Variants in NSMF observed in about 807,000 individuals in gnomAD.
NSMF encodes the protein NMDA receptor synaptonuclear signaling and neuronal migration factor.
In NSMF, 31 loss-of-function variants were observed where a neutral mutation model predicts 71.0. That is an observed-to-expected ratio of 0.44 (90% CI 0.33 to 0.59). The LOEUF (loss-of-function observed/expected upper bound fraction) is 0.59, where lower values mean the gene tolerates loss of function less well. Among genes scored for constraint, NSMF ranks in the 20% least tolerant of loss-of-function variants. The probability of loss-of-function intolerance (pLI) is 0.04; values close to 1 mark genes in which losing one functional copy is unlikely to be tolerated. For missense variants in NSMF, 673 were observed against 740.5 expected (o/e 0.91, Z 1.06); for synonymous variants, 345 against 287.1 (o/e 1.20, Z -2.04).
Position 137,447,715 on chromosome 9 carries a change from G to A in NSMF, c.*1679C>T, listed in dbSNP as rs1026353221. On this transcript the variant is annotated 3_prime_UTR_variant, in exon 16 of 16. Coordinates refer to ENST00000371475, the MANE Select transcript of NSMF (RefSeq NM_001130969.3). ...AGCACACTGGGCCTCAAGCCTGCCAGGCTGTGCCAGGCTGCGCACCAGTGG... is the reference window on the plus strand; with the variant it reads ...AGCACACTGGGCCTCAAGCCTGCCAAGCTGTGCCAGGCTGCGCACCAGTGG... The A allele has an allele frequency of 4.0e-5, 6 of 151,390 alleles. No homozygotes were observed. Among genetic ancestry groups the A allele is most frequent in the African/African-American group, 1.5e-4 (6 of 41,078 alleles). The allele number at this position is 151,390 out of a possible 1,614,324, so 9.4% of individuals were successfully genotyped here.
chr9:137,455,413 G>T (rs911390396), intron 5 of NSMF, 106 bp from the exon 6 acceptor site: 9 of 1,338,086 alleles, frequency 6.7e-6, no homozygotes, highest in African/African-American at 2.9e-5. Flanking sequence ...TCTGGGGCAC[G>T]GGGCCCGGCA....
Position 137,449,950 on chromosome 9 carries a change from G to A in NSMF, c.1392C>T (p.Tyr464=). The change falls in exon 14 of 16, where the codon TAC becomes TAT. Residue 464 remains tyrosine (Y), a synonymous_variant. Transcript: ENST00000371475. ...EPNVIHIMGC[Y]ILGNPNGEKL... ...TCTCTCCATTGGGGTTCCCCAGAAT[G>A]TAGCAGCCCATGATGTGGATGACGT... 2 of 1,613,212 alleles carry A rather than the reference G, an allele frequency of 1.2e-6. No homozygotes were observed. Among genetic ancestry groups the A allele is most frequent in the Non-Finnish European group, 8.5e-7 (1 of 1,179,896 alleles).
chr9:137,449,837 A>G lies in NSMF; in HGVS notation c.1419+86T>C. On this transcript the variant is annotated intron_variant, in intron 14 of 15. Transcript: ENST00000371475. ...GGAATGCCCGGGGGAAGGAAAAAAA[A>G]TGCCAGGAAACATGGAAGGCTCTGC... 3 of 1,386,516 alleles carry G rather than the reference A, an allele frequency of 2.2e-6. No homozygotes were observed. In the East Asian group the frequency reaches 6.9e-5, roughly 32 times the overall value. 85.9% of individuals were successfully genotyped at this position (1,386,516 alleles called of 1,614,324 possible).
rs1477685228 is a variant in NSMF at position 137,453,803 on chromosome 9, C to A, written c.850G>T (p.Glu284Ter). 2.5e-6 allele frequency: 4 copies of A among 1,595,338 alleles called. No individual in the cohort carries two copies. The highest frequency in any genetic ancestry group is 3.4e-6 in the Non-Finnish European group (4 of 1,176,946). The change falls in exon 8 of 16, where the codon GAG becomes TAG. Residue 284 changes from glutamate (E) to a stop codon, truncating the protein, a stop_gained. Transcript: ENST00000371475. LOFTEE classifies it high-confidence loss of function. The surrounding 1 kb of genome is among the most constrained non-coding windows in gnomAD (Gnocchi z 4.5). ...CTCCAGGACCGGCTGAAGCTCCGCT[C>A]GCGCCGCTCAGCGAACGCTGCAGAG... ...VKAQTFAERR[E>*]RSFSRSWSDP...
chr9:137,458,006 TGG>T (rs998121326), intron 2 of NSMF, 105 bp from the exon 3 acceptor site: 34 of 1,492,672 alleles, frequency 2.3e-5, no homozygotes, highest in African/African-American at 2.8e-5. Flanking sequence ...CTGGCCTCTG[TGG>T]GGGACTAGGG....
chr9:137,448,821 G>C lies in NSMF; in HGVS notation c.*573C>G, dbSNP rs1285404375. ...GACAGTCGGAGACTCGGCCAGTGTA[G>C]ACAGACCCAGAGACTCGGCCAGTGT... On this transcript the variant is annotated 3_prime_UTR_variant, in exon 16 of 16. Coordinates refer to ENST00000371475, the MANE Select transcript of NSMF (RefSeq NM_001130969.3). The surrounding 1 kb of genome is among the most constrained non-coding windows in gnomAD (Gnocchi z 5.3). The C allele has an allele frequency of 5.2e-6, 1 of 191,676 alleles. No individual in the cohort carries two copies. Among genetic ancestry groups the C allele is most frequent in the East Asian group, 1.3e-4 (1 of 7,422 alleles). 11.9% of individuals were successfully genotyped at this position (191,676 alleles called of 1,614,324 possible).
At chr9:137,455,784 T>C in intron 4 of NSMF, 150 bp from the exon 5 acceptor site, 2 of 847,866 alleles carry the variant, frequency 2.4e-6, no homozygotes, top group Admixed American at 2.1e-5. Context: ...ACCAGCAGGA[T>C]GCTGGCTACA....
rs554109860 is a variant in NSMF, at chr9:137,452,668, G to A, written c.1131+68C>T. 293 of 1,602,626 alleles carry A rather than the reference G, an allele frequency of 1.8e-4. No individual in the cohort carries two copies. The African/African-American group carries it at 3.2e-3, about 17-fold the overall frequency. On this transcript the variant is annotated intron_variant, in intron 10 of 15. Coordinates refer to ENST00000371475, the MANE Select transcript of NSMF (RefSeq NM_001130969.3). ...CCACAGCACCCTGGGGACCTGGGGT[G>A]CCGGCGCTGGCCCAGGGTGGGGCCG... is the stretch of plus-strand genomic sequence containing the variant.
At position 137,455,524 on chromosome 9, in the gene NSMF, CCCT is replaced by C. The variant is rs1262675303; in HGVS notation, c.710+102_710+104del. 4 of 1,354,242 alleles carry C rather than the reference CCCT, an allele frequency of 3.0e-6. No homozygotes were observed. The African/African-American group carries it at 5.8e-5, about 20-fold the overall frequency. 83.9% of individuals were successfully genotyped at this position (1,354,242 alleles called of 1,614,324 possible). The stretch of plus-strand genomic sequence containing the variant: ...AGCCAGGCCCGCAGAGAGCGGCACT[CCCT>C]CAAGACCCAGGTCCCTGGCCTGCCC... On this transcript the variant is annotated intron_variant, in intron 5 of 15. Coordinates refer to ENST00000371475, the MANE Select transcript of NSMF (RefSeq NM_001130969.3).
chr9:137,454,651 T>A, intron 6 of NSMF: 1 of 1,532,238 alleles, frequency 6.5e-7, no homozygotes, highest in Non-Finnish European at 8.7e-7. Flanking sequence ...CCCCTTCAAC[T>A]CCAGAACAAA....
intron 7 of NSMF, among the ~76,000 whole-genome samples, 188 bp from the exon 8 acceptor site, chr9:137,454,008 G>A (rs1052682331): frequency 3.3e-5 from 5 of 151,882 alleles, no homozygotes; most frequent in African/African-American, 1.2e-4. Flanking sequence ...GAACACTGGG[G>A]CAGGGCCAGA....
chr9:137,456,484 C>G lies in NSMF; in HGVS notation c.631G>C (p.Asp211His). The G allele has an allele frequency of 6.2e-7, 1 of 1,610,492 alleles. No homozygotes were observed. Among genetic ancestry groups the G allele is most frequent in the East Asian group, 2.2e-5 (1 of 44,854 alleles). ...RMYSVDRVSDDIPIRTWFPKE... is the reference protein window; with the variant it reads ...RMYSVDRVSDHIPIRTWFPKE... ...GGGAACCAGGTACGAATAGGGATGT[C>G]GTCTAAGAGAGACAAAAAGGAGCGG... Residue 211 changes from aspartate (D) to histidine (H), a missense_variant and splice_region_variant, in exon 4 of 16, where the codon GAC (aspartate) becomes CAC (histidine). Physicochemically the swap from Asp to His is moderately conservative, Grantham distance 81 (BLOSUM62 -1). Coordinates refer to ENST00000371475, the MANE Select transcript of NSMF (RefSeq NM_001130969.3).
intron 15 of NSMF, 29 bp from the exon 16 acceptor site, chr9:137,449,520 G>T: frequency 1.2e-6 from 2 of 1,611,274 alleles, no homozygotes; most frequent in Non-Finnish European, 1.7e-6. Context: ...GGAGGCTCAG[G>T]CCTGGCCGGC....
Position 137,448,286 on chromosome 9 carries a change from C to G in NSMF, c.*1108G>C, listed in dbSNP as rs1015852155. ...GTATCGTACATCGTTCCAAGCCCGG[C>G]CCCCGCCCCAGCCCTCCCTCAGCTG... On this transcript the variant is annotated 3_prime_UTR_variant, in exon 16 of 16. Transcript: ENST00000371475. The surrounding 1 kb of genome is among the most constrained non-coding windows in gnomAD (Gnocchi z 5.3). 5.2e-5 allele frequency: 8 copies of G among 152,518 alleles called. No individual in the cohort carries two copies. Among genetic ancestry groups the G allele is most frequent in the African/African-American group, 1.9e-4 (8 of 41,396 alleles). 9.4% of individuals were successfully genotyped at this position (152,518 alleles called of 1,614,324 possible).
rs368301876 is a variant in NSMF at position 137,452,721 on chromosome 9, C to G, written c.1131+15G>C. 6.2e-7 allele frequency: 1 copy of G among 1,604,020 alleles called. No individual in the cohort carries two copies. The highest frequency in any genetic ancestry group is 8.5e-7 in the Non-Finnish European group (1 of 1,176,218). ...AGAGGGCATCTGTTGGGGGCAGGCC[C>G]GGGGCGGGACTCACGTAGAGGATGG... On this transcript the variant is annotated intron_variant, in intron 10 of 15. Coordinates refer to ENST00000371475, the MANE Select transcript of NSMF (RefSeq NM_001130969.3).
At position 137,457,370 on chromosome 9, in the gene NSMF, C is replaced by G. The variant is rs368716283; in HGVS notation, c.628+37G>C. 2.0e-5 allele frequency: 33 copies of G among 1,612,562 alleles called. No homozygotes were observed. The African/African-American group carries it at 2.8e-4, about 14-fold the overall frequency. ...GTCAGACCCTGGCAGCGGCATGCAC[C>G]CCCAAACCTGTCTATGCCCTGACAC... On this transcript the variant is annotated intron_variant, in intron 3 of 15. Transcript: ENST00000371475.
chr9:137,454,700 A>G, intron 6 of NSMF: 1 of 1,516,434 alleles, frequency 6.6e-7, no homozygotes, highest in Non-Finnish European at 8.8e-7. Flanking sequence ...TCTCCTCCCG[A>G]GCTGCATTCC....
intron 14 of NSMF, 27 bp from the exon 15 acceptor site, chr9:137,449,701 C>G: frequency 1.3e-6 from 2 of 1,598,130 alleles, no homozygotes; most frequent in African/African-American, 2.7e-5. Context: ...GCCATGAGTC[C>G]GAGGCAGAGA....
At position 137,449,904 on chromosome 9, in the gene NSMF, G is replaced by A; in HGVS notation, c.1419+19C>T. 1 of 1,597,534 alleles carries A rather than the reference G, an allele frequency of 6.3e-7. No homozygotes were observed. The highest frequency in any genetic ancestry group is 8.6e-7 in the Non-Finnish European group (1 of 1,165,988). On this transcript the variant is annotated intron_variant, in intron 14 of 15. Coordinates refer to ENST00000371475, the MANE Select transcript of NSMF (RefSeq NM_001130969.3). Reference sequence around the variant, plus strand: ...GGGGGTTTCCAGAGGTCTGGGGTGGGGCTTGGGGGTCACTGTACCTTCTCT... The same window carrying A: ...GGGGGTTTCCAGAGGTCTGGGGTGGAGCTTGGGGGTCACTGTACCTTCTCT...
Sources: allele counts gnomAD v4.1 joint callset (sites outside exome capture counted in the v4.1 genomes callset), GRCh38; gene constraint gnomAD v4.1.1; non-coding constraint Gnocchi (gnomAD v3.1); transcripts MANE v1.5; gene names NCBI Gene and HGNC (gene_info 2026-07-23, HGNC 2026-07-21).